CCDC102B: variants seen among roughly 807,000 people sequenced by gnomAD.
CCDC102B encodes coiled-coil domain-containing protein 102B.
In CCDC102B, 75 loss-of-function variants were observed where a neutral mutation model predicts 57.4. That is an observed-to-expected ratio of 1.31 (90% CI 1.08 to 1.58). CCDC102B has a LOEUF of 1.58. Ranked by LOEUF, CCDC102B falls within the 40% of genes most tolerant of loss-of-function variation. CCDC102B has a pLI of 0.00. For synonymous variants in CCDC102B, 206 were observed against 201.9 expected (o/e 1.02, Z -0.17); for missense variants, 636 against 582.6 (o/e 1.09, Z -0.94).
chr18:69,030,454 A>C (rs971540976), intron 7 of CCDC102B, among the ~76,000 whole-genome samples: 29 of 152,338 alleles, frequency 1.9e-4, no homozygotes, highest in African/African-American at 6.7e-4. Context: ...AGACACATGC[A>C]GGAAGATTAG....
Position 68,719,998 on chromosome 18 carries a change from G to T in CCDC102B, c.-67+3404G>T, listed in dbSNP as rs73967596. Among the ~76,000 whole-genome samples the T allele has an allele frequency of 5.5e-3, 840 of 152,090 alleles. 11 individuals carry two copies. Among genetic ancestry groups the T allele is most frequent in the African/African-American group, 0.019 (796 of 41,476 alleles). On this transcript the variant is annotated intron_variant, in intron 2 of 3. Coordinates refer to the CCDC102B transcript ENST00000578970. ...TGACCAAATTATTATTATTTTTTTG[G>T]TCCAGAAATGCAAGCCTTGGTTTAA...
chr18:68,951,367 G>A (rs1044063672), intron 6 of CCDC102B, among the ~76,000 whole-genome samples: 13 of 152,072 alleles, frequency 8.5e-5, no homozygotes, highest in Non-Finnish European at 1.6e-4. Flanking sequence ...TACATTCAAT[G>A]AATACATCAC....
chr18:68,941,787 C>A (rs1226699779), intron 6 of CCDC102B, among the ~76,000 whole-genome samples: 1 of 152,058 alleles, frequency 6.6e-6, no homozygotes, highest in East Asian at 1.9e-4. Flanking sequence ...GTTCCATTTT[C>A]TCAGAATCCA....
At chr18:68,787,456 C>T (rs1265080182) in intron 2 of CCDC102B, among the ~76,000 whole-genome samples, 1 of 150,250 alleles carries the variant, frequency 6.7e-6, no homozygotes, top group Non-Finnish European at 1.5e-5. Context: ...TCCATCTGGT[C>T]CTGGACTCTT....
At chr18:68,897,192 CTGCTT>C (rs761259444) in intron 5 of CCDC102B, 22 bp from the exon 6 acceptor site, 2 of 1,580,912 alleles carry the variant, frequency 1.3e-6, no homozygotes, top group Non-Finnish European at 1.7e-6. Context: ...ATGCTGCATG[CTGCTT>C]CTTTGTGTTT....
intron 6 of CCDC102B, among the ~76,000 whole-genome samples, chr18:68,957,987 G>C (rs1053072651): frequency 6.6e-6 from 1 of 152,160 alleles, no homozygotes; most frequent in Admixed American, 6.6e-5. Context: ...CAAAAGAGAG[G>C]TTTAATGGAC....
intron 7 of CCDC102B, among the ~76,000 whole-genome samples, chr18:69,035,084 A>G (rs937937756): frequency 1.3e-5 from 2 of 152,026 alleles, no homozygotes; most frequent in African/African-American, 4.8e-5. Context: ...AAAATTGAGT[A>G]TTTCCCTGAG....
At position 68,817,261 on chromosome 18, in the gene CCDC102B, G is replaced by A. The variant is rs2036521067; in HGVS notation, c.-16+19080G>A. Among the ~76,000 whole-genome samples, 6 of 152,202 alleles carry A rather than the reference G, an allele frequency of 3.9e-5. 1 individual carries two copies. The South Asian group carries it at 1.2e-3, about 31-fold the overall frequency. On this transcript the variant is annotated intron_variant, in intron 1 of 7. Transcript: ENST00000360242. The stretch of plus-strand genomic sequence containing the variant: ...CATTTGAATGCAGGTTTGTTTTCTA[G>A]ATTTCATACAACAGAACTCAGTGGG...
At chr18:68,721,669 C>T (rs1958985435) in intron 2 of CCDC102B, 1 of 152,046 alleles carries the variant, frequency 6.6e-6, no homozygotes, top group East Asian at 1.9e-4. Context: ...CCAAACTATG[C>T]TTGGTTGGAA....
intron 1 of CCDC102B, among the ~76,000 whole-genome samples, chr18:68,804,607 C>T (rs2035969061): frequency 6.6e-6 from 1 of 151,850 alleles, no homozygotes; most frequent in Admixed American, 6.6e-5. Flanking sequence ...CCCTCAGAAG[C>T]CAAGAAAGGG....
At chr18:68,917,555 T>G (rs912894118) in intron 6 of CCDC102B, among the ~76,000 whole-genome samples, 63 of 152,364 alleles carry the variant, frequency 4.1e-4, no homozygotes, top group African/African-American at 1.5e-3. Context: ...TCTGTCCAAA[T>G]TTACTTCCAC....
intron 6 of CCDC102B, among the ~76,000 whole-genome samples, chr18:68,995,980 C>G (rs2051016194): frequency 1.3e-5 from 2 of 152,134 alleles, no homozygotes; most frequent in African/African-American, 4.8e-5. Context: ...ATTAGCGTGA[C>G]CTGGATGTGA....
intron 2 of CCDC102B, among the ~76,000 whole-genome samples, chr18:68,769,768 C>T (rs962643531): frequency 2.0e-5 from 3 of 151,922 alleles, no homozygotes; most frequent in African/African-American, 4.8e-5. Context: ...ATACACAGAC[C>T]GATGCTAAAA....
At position 68,776,491 on chromosome 18, in the gene CCDC102B, A is replaced by G. The variant is rs185699710; in HGVS notation, c.-66-46875A>G. The stretch of plus-strand genomic sequence containing the variant: ...ACGGAATACCATGCAGCCACAAAAA[A>G]GAATGAGATCATGTCCTTTGCAAAG... On this transcript the variant is annotated intron_variant, in intron 2 of 3. Coordinates refer to the CCDC102B transcript ENST00000578970. Among the ~76,000 whole-genome samples the G allele has an allele frequency of 6.0e-3, 920 of 152,362 alleles. 8 individuals carry two copies. The highest frequency in any genetic ancestry group is 0.021 in the African/African-American group (874 of 41,590).
intron 2 of CCDC102B, among the ~76,000 whole-genome samples, chr18:68,729,591 T>G (rs2032765953): frequency 6.6e-6 from 1 of 152,184 alleles, no homozygotes; most frequent in African/African-American, 2.4e-5. Flanking sequence ...TCAGACAATT[T>G]TAATCCCCAT....
At chr18:68,996,041 A>G (rs2051018306) in intron 6 of CCDC102B, among the ~76,000 whole-genome samples, 1 of 152,186 alleles carries the variant, frequency 6.6e-6, no homozygotes, top group African/African-American at 2.4e-5. Context: ...TGTGATGGTT[A>G]ATATTGAGTG....
intron 6 of CCDC102B, among the ~76,000 whole-genome samples, chr18:68,933,434 T>C (rs960859260): frequency 6.6e-6 from 1 of 151,960 alleles, no homozygotes; most frequent in Admixed American, 6.6e-5. Context: ...ATAATGGTTC[T>C]TTGTGATTTT....
At chr18:69,000,073 A>G (rs996630349) in intron 6 of CCDC102B, among the ~76,000 whole-genome samples, 1 of 152,156 alleles carries the variant, frequency 6.6e-6, no homozygotes, top group Admixed American at 6.6e-5. Flanking sequence ...TCTATTACCT[A>G]TGTTTCTTTC....
intron 2 of CCDC102B, among the ~76,000 whole-genome samples, chr18:68,736,003 A>G (rs2033109578): frequency 6.6e-6 from 1 of 152,196 alleles, no homozygotes; most frequent in Admixed American, 6.5e-5. Context: ...CTCTTGAGAG[A>G]TCAACTCTTC....
Sources: allele counts gnomAD v4.1 joint callset (sites outside exome capture counted in the v4.1 genomes callset), GRCh38; gene constraint gnomAD v4.1.1; transcripts MANE v1.5; gene names NCBI Gene and HGNC (gene_info 2026-07-23, HGNC 2026-07-21).